DPYD: variants seen among roughly 807,000 people sequenced by gnomAD.
DPYD encodes dihydropyrimidine dehydrogenase [NADP(+)].
Under a neutral mutation model 116.2 loss-of-function variants are expected in DPYD, and 109 were observed. That is an observed-to-expected ratio of 0.94 (90% CI 0.80 to 1.10). DPYD has a LOEUF of 1.10. Ranked by LOEUF, DPYD falls within the 50% of genes least tolerant of loss-of-function variation. The pLI is 0.00. For missense variants in DPYD, 1,302 were observed against 1,254.5 expected, an observed-to-expected ratio of 1.04 and a Z score of -0.57; for synonymous variants, 440 against 432.0, an observed-to-expected ratio of 1.02 and a Z score of -0.23.
chr1:97,343,964 T>A (rs1669713653), intron 16 of DPYD, among the ~76,000 whole-genome samples: 1 of 151,982 alleles, frequency 6.6e-6, no homozygotes, highest in African/African-American at 2.4e-5. Context: ...CATGTGCTGT[T>A]TCCATGGTAA....
intron 10 of DPYD, among the ~76,000 whole-genome samples, chr1:97,577,070 A>G (rs1272013309): frequency 6.6e-6 from 1 of 152,338 alleles, no homozygotes; most frequent in Middle Eastern, 3.4e-3. Flanking sequence ...AAATAGGGAA[A>G]TACTAGGACA....
At position 97,257,935 on chromosome 1, in the gene DPYD, G is replaced by A. The variant is rs116906461; in HGVS notation, c.2300-22941C>T. Among the ~76,000 whole-genome samples the A allele has an allele frequency of 3.1e-4, 47 of 152,196 alleles. No individual in the cohort carries two copies. The East Asian group carries it at 7.9e-3, about 26-fold the overall frequency. ...ATGACAAATCAGAGAAAAGTGTATT[G>A]TACTTTGTCTAGTTGGGTCATCTTT... On this transcript the variant is annotated intron_variant, in intron 18 of 22. Coordinates refer to ENST00000370192, the MANE Select transcript of DPYD (RefSeq NM_000110.4).
At chr1:97,695,300 C>A (rs1661235101) in intron 6 of DPYD, among the ~76,000 whole-genome samples, 1 of 150,672 alleles carries the variant, frequency 6.6e-6, no homozygotes, top group African/African-American at 2.4e-5. Context: ...ATAATTATTA[C>A]TGGTTATTGT....
At chr1:97,897,355 G>T (rs1673130833) in intron 1 of DPYD, among the ~76,000 whole-genome samples, 1 of 151,738 alleles carries the variant, frequency 6.6e-6, no homozygotes, top group Non-Finnish European at 1.5e-5. Flanking sequence ...TGACCAATTT[G>T]ATTATGATGT....
intron 20 of DPYD, among the ~76,000 whole-genome samples, chr1:97,175,628 G>C (rs1280892154): frequency 6.6e-6 from 1 of 152,144 alleles, no homozygotes; most frequent in Non-Finnish European, 1.5e-5. Flanking sequence ...ATAAGGGCAA[G>C]GGAGTGGGTC....
intron 18 of DPYD, chr1:97,296,268 G>C (rs753628698): frequency 1.3e-5 from 2 of 152,072 alleles, no homozygotes; most frequent in African/African-American, 4.8e-5. Flanking sequence ...AAAATAGAAA[G>C]AGCAAGTCAT....
At position 97,177,595 on chromosome 1, in the gene DPYD, G is replaced by GATAT. The variant is rs10645994; in HGVS notation, c.2622+15470_2622+15473dup. On this transcript the variant is annotated intron_variant, in intron 20 of 22. Transcript: ENST00000370192. ...TTTTTTTTTTTTGACATTCCTATAA[G>GATAT]ATATATATATCCTAACTTTTTGGAT... Among the ~76,000 whole-genome samples, 408 of 147,508 alleles carry GATAT rather than the reference G, an allele frequency of 2.8e-3. 2 individuals carry two copies. The highest frequency in any genetic ancestry group is 9.7e-3 in the African/African-American group (389 of 39,928).
intron 5 of DPYD, among the ~76,000 whole-genome samples, chr1:97,700,772 T>A (rs943877556): frequency 6.6e-6 from 1 of 151,968 alleles, no homozygotes; most frequent in Non-Finnish European, 1.5e-5. Context: ...ATAACTATGA[T>A]TGATATGTTC....
In DPYD at chr1:97,881,404, A is replaced by G. The variant is rs149796956; in HGVS notation, c.150+1860T>C. On this transcript the variant is annotated intron_variant, in intron 2 of 22. Transcript: ENST00000370192. ...AAAATAAGTCTCTGTTGTTTAAGCC[A>G]CCTAGTCTGTGGTATCTTCTTGTAG... 3.5e-3 allele frequency among the ~76,000 whole-genome samples: 531 copies of G among 152,076 alleles called. 2 individuals are homozygous for G. The highest frequency in any genetic ancestry group is 0.012 in the African/African-American group (495 of 41,530).
intron 14 of DPYD, among the ~76,000 whole-genome samples, chr1:97,447,738 G>T (rs934519064): frequency 3.3e-5 from 5 of 151,612 alleles, no homozygotes; most frequent in Non-Finnish European, 5.9e-5. Flanking sequence ...TCCACTTACT[G>T]TCATTTCTTG....
intron 18 of DPYD, among the ~76,000 whole-genome samples, chr1:97,239,511 A>G (rs1301171987): frequency 3.3e-5 from 5 of 151,996 alleles, no homozygotes; most frequent in Admixed American, 6.6e-5. Flanking sequence ...TCCTAACTAT[A>G]TATCTACGCT....
intron 1 of DPYD, among the ~76,000 whole-genome samples, chr1:97,892,355 A>G (rs1386485832): frequency 6.6e-6 from 1 of 151,812 alleles, no homozygotes; most frequent in African/African-American, 2.4e-5. Context: ...CCCCAGTCTC[A>G]GCCAGTTATC....
intron 8 of DPYD, among the ~76,000 whole-genome samples, chr1:97,654,819 T>TTTCTCAGTC (rs1658807239): frequency 6.6e-6 from 1 of 152,128 alleles, no homozygotes; most frequent in Non-Finnish European, 1.5e-5. Flanking sequence ...AAAAATGGAA[T>TTTCTCAGTC]CGCAGTTCCA....
intron 4 of DPYD, among the ~76,000 whole-genome samples, chr1:97,722,995 A>G (rs1663007619): frequency 6.6e-6 from 1 of 151,624 alleles, no homozygotes; most frequent in East Asian, 1.9e-4. Flanking sequence ...ACTTTTAAAA[A>G]TAACCTTGAC....
intron 13 of DPYD, among the ~76,000 whole-genome samples, chr1:97,484,697 G>T (rs1461495387): frequency 6.6e-6 from 1 of 151,946 alleles, no homozygotes; most frequent in Non-Finnish European, 1.5e-5. Context: ...CTGTCATTTT[G>T]TTCTTCTTTC....
At chr1:97,192,423 G>A (rs1377444866) in intron 20 of DPYD, among the ~76,000 whole-genome samples, 3 of 151,946 alleles carry the variant, frequency 2.0e-5, no homozygotes, top group African/African-American at 7.3e-5. Flanking sequence ...CCCTCATTGA[G>A]GGCTCAAGAA....
At chr1:97,715,752 CT>C (rs1467623801) in intron 5 of DPYD, among the ~76,000 whole-genome samples, 3 of 152,028 alleles carry the variant, frequency 2.0e-5, no homozygotes, top group Non-Finnish European at 4.4e-5. Flanking sequence ...AAATACTCAT[CT>C]TTTTGATGAC....
At chr1:97,307,789 T>G (rs1485260709) in intron 16 of DPYD, among the ~76,000 whole-genome samples, 1 of 151,924 alleles carries the variant, frequency 6.6e-6, no homozygotes, top group Non-Finnish European at 1.5e-5. Context: ...GCAATGCTCA[T>G]GAAATATTTA....
At chr1:97,690,295 T>C (rs1660947986) in intron 7 of DPYD, among the ~76,000 whole-genome samples, 1 of 152,068 alleles carries the variant, frequency 6.6e-6, no homozygotes, top group East Asian at 1.9e-4. Flanking sequence ...TATTGCCTAC[T>C]ACTGCACCTT....
Sources: gnomAD v4.1 joint callset for allele counts (sites outside exome capture counted in the v4.1 genomes callset) on GRCh38, gnomAD v4.1.1 for gene constraint, MANE v1.5 for transcripts, NCBI Gene and HGNC (gene_info 2026-07-23, HGNC 2026-07-21) for gene names.